MPDZ: variants seen among roughly 807,000 people sequenced by gnomAD.
The protein encoded by MPDZ is multiple PDZ domain protein.
A neutral mutation model predicts 239.1 loss-of-function variants in MPDZ; 234 were observed. The observed-to-expected ratio is 0.98, with a 90% CI of 0.88 to 1.09. The LOEUF is 1.09. Ranked by LOEUF, MPDZ falls within the 50% of genes least tolerant of loss-of-function variation. The pLI is 0.00. For synonymous variants in MPDZ, 1,048 were observed against 881.3 expected, an observed-to-expected ratio of 1.19 and a Z score of -3.35; for missense variants, 3,175 against 2,510.0, an observed-to-expected ratio of 1.26 and a Z score of -5.66.
chr9:13,211,601 G>A (rs998216644), intron 10 of MPDZ, among the ~76,000 whole-genome samples: 1 of 152,012 alleles, frequency 6.6e-6, no homozygotes, highest in African/African-American at 2.4e-5. Context: ...CAACAAAATA[G>A]AATTTAAATG....
intron 15 of MPDZ, among the ~76,000 whole-genome samples, chr9:13,191,812 T>G (rs1563996667): frequency 6.6e-6 from 1 of 152,264 alleles, no homozygotes; most frequent in Middle Eastern, 3.4e-3. Context: ...ATTAAACAAG[T>G]ATATAGTATG....
intron 29 of MPDZ, 28 bp downstream of exon 29, chr9:13,137,929 A>G (rs776417411): frequency 6.2e-7 from 1 of 1,609,100 alleles, no homozygotes; most frequent in Non-Finnish European, 8.5e-7. Flanking sequence ...AAACAAGAAT[A>G]AATTCAAAAT....
chr9:13,187,941 G>GAGCT lies in MPDZ; in HGVS notation c.2364+839_2364+842dup, dbSNP rs1412184824. 2.2e-4 allele frequency among the ~76,000 whole-genome samples: 34 copies of GAGCT among 152,148 alleles called. 2 individuals are homozygous for GAGCT. The highest frequency in any genetic ancestry group is 2.1e-3 in the Admixed American group (32 of 15,280). Reference sequence around the variant, plus strand: ...ATTATTACAGTAATTTATGATTTGGGAGCTATTCCCTGCCAGGAGAGCCAC... The same window carrying GAGCT: ...ATTATTACAGTAATTTATGATTTGGGAGCTAGCTATTCCCTGCCAGGAGAGCCAC... On this transcript the variant is annotated intron_variant, in intron 17 of 46. Coordinates refer to ENST00000319217, the MANE Select transcript of MPDZ (RefSeq NM_001378778.1).
At position 13,139,822 on chromosome 9, in the gene MPDZ, T is replaced by A. The variant is rs1031051597; in HGVS notation, c.4003+165A>T. 8.9e-6 allele frequency: 7 copies of A among 784,034 alleles called. No homozygotes were observed. In the African/African-American group the frequency reaches 1.2e-4, roughly 13 times the overall value. 48.6% of individuals were successfully genotyped at this position (784,034 alleles called of 1,614,324 possible). A position where few individuals can be genotyped will look rare whatever the true frequency, so the allele number is the denominator to read the frequency against. On this transcript the variant is annotated intron_variant, in intron 28 of 46. Coordinates refer to ENST00000319217, the MANE Select transcript of MPDZ (RefSeq NM_001378778.1). ...AGAGCATGATTTCATGCCTCAGGAA[T>A]GTATGCTGTATTCAAGCAAAACAAA...
At chr9:13,119,456 T>C in intron 39 of MPDZ, 46 bp downstream of exon 39, 1 of 1,565,394 alleles carries the variant, frequency 6.4e-7, no homozygotes, top group Non-Finnish European at 8.6e-7. Flanking sequence ...AAAATTATCT[T>C]TTTTCTTCTA....
intron 23 of MPDZ, among the ~76,000 whole-genome samples, chr9:13,160,830 T>TATATATATATA (rs1950373029): frequency 2.6e-5 from 1 of 37,978 alleles, no homozygotes. Context: ...ATTATTAAAA[T>TATATATATATA]TATATATATA....
chr9:13,189,887 T>C (rs947090299), intron 16 of MPDZ, among the ~76,000 whole-genome samples: 1 of 152,096 alleles, frequency 6.6e-6, no homozygotes, highest in African/African-American at 2.4e-5. Context: ...CACTATGATA[T>C]TCCTAAAATG....
intron 3 of MPDZ, among the ~76,000 whole-genome samples, chr9:13,227,736 T>G (rs1005531428): frequency 6.6e-6 from 1 of 152,134 alleles, no homozygotes; most frequent in African/African-American, 2.4e-5. Context: ...TTAATATCAA[T>G]TGTCATTTCC....
At chr9:13,258,913 G>A (rs142624822) in intron 1 of MPDZ, among the ~76,000 whole-genome samples, 45 of 152,140 alleles carry the variant, frequency 3.0e-4, no homozygotes, top group African/African-American at 9.9e-4. Flanking sequence ...TAATATTCTT[G>A]TTCTTTCTTT....
intron 16 of MPDZ, among the ~76,000 whole-genome samples, chr9:13,189,416 C>A (rs1243516762): frequency 2.0e-5 from 3 of 151,940 alleles, no homozygotes; most frequent in African/African-American, 7.3e-5. Context: ...GAAGGTAGGA[C>A]CCATCCTTTT....
intron 12 of MPDZ, among the ~76,000 whole-genome samples, chr9:13,199,892 G>A (rs1241083047): frequency 6.6e-6 from 1 of 151,978 alleles, no homozygotes; most frequent in Non-Finnish European, 1.5e-5. Context: ...TTGCAACTAC[G>A]TTCATGAAGG....
intron 22 of MPDZ, 102 bp from the exon 23 acceptor site, chr9:13,162,897 C>G (rs2133666335): frequency 1.4e-6 from 1 of 724,966 alleles, no homozygotes; most frequent in Non-Finnish European, 2.3e-6. Flanking sequence ...TTGTCCCTTT[C>G]TCCCTACTTT....
Position 13,222,446 on chromosome 9 carries a change from T to A in MPDZ, c.534A>T (p.Arg178Ser). The A allele has an allele frequency of 6.2e-7, 1 of 1,610,048 alleles. No homozygotes were observed. Among genetic ancestry groups the A allele is most frequent in the Non-Finnish European group, 8.5e-7 (1 of 1,177,556 alleles). ...GATCAGTTTCTTTCAATCTTCCATC[T>A]CTATCAAGGATGCAAAAGGGGATAA... Reference protein sequence around the residue: ...QEIQEGSVAHRDGRLKETDQI... With the variant: ...QEIQEGSVAHSDGRLKETDQI... Residue 178 changes from arginine to serine, a missense_variant and splice_region_variant, in exon 6 of 47, where the codon AGA (arginine) becomes AGT (serine). Physicochemically the swap from Arg to Ser is moderately radical, Grantham distance 110. Transcript: ENST00000319217.
rs1563876019 is a variant in MPDZ at position 13,136,190 on chromosome 9, C to CA, written c.4293-9dup. 1 of 1,580,184 alleles carries CA rather than the reference C, an allele frequency of 6.3e-7. No homozygotes were observed. Among genetic ancestry groups the CA allele is most frequent in the Non-Finnish European group, 8.7e-7 (1 of 1,153,444 alleles). ...TTCACTGCATCTTTATTTCTAAAAG[C>CA]AAAAAAACAACAACCTATTATAACA... On this transcript the variant is annotated splice_polypyrimidine_tract_variant and intron_variant, in intron 30 of 46. Coordinates refer to ENST00000319217, the MANE Select transcript of MPDZ (RefSeq NM_001378778.1).
At chr9:13,158,590 C>G (rs1410831103) in intron 23 of MPDZ, among the ~76,000 whole-genome samples, 1 of 152,058 alleles carries the variant, frequency 6.6e-6, no homozygotes, top group South Asian at 2.1e-4. Context: ...AAGGATGGAC[C>G]AATGATTTTC....
chr9:13,256,859 GAC>G lies in MPDZ; in HGVS notation c.-57-6489_-57-6488del, dbSNP rs373427168. 2.5e-3 allele frequency among the ~76,000 whole-genome samples: 376 copies of G among 152,294 alleles called. 2 individuals carry two copies. Among genetic ancestry groups the G allele is most frequent in the African/African-American group, 8.8e-3 (365 of 41,556 alleles). On this transcript the variant is annotated intron_variant, in intron 1 of 46. Coordinates refer to ENST00000319217, the MANE Select transcript of MPDZ (RefSeq NM_001378778.1). ...AAAAATGGCACCAATAGACTTGCTT[GAC>G]ACAGAGTTGCCATAAACCATCAATT...
intron 37 of MPDZ, 40 bp from the exon 38 acceptor site, chr9:13,121,972 A>G (rs1944413718): frequency 6.2e-7 from 1 of 1,600,816 alleles, no homozygotes; most frequent in Admixed American, 1.7e-5. Flanking sequence ...GAACATGAGA[A>G]GTAAAGGAGA....
intron 24 of MPDZ, among the ~76,000 whole-genome samples, chr9:13,153,774 G>C (rs1484229739): frequency 6.6e-6 from 1 of 151,556 alleles, no homozygotes; most frequent in Non-Finnish European, 1.5e-5. Context: ...AGAATACATA[G>C]GTAGGACTCC....
chr9:13,137,478 A>C (rs758369760), intron 29 of MPDZ, among the ~76,000 whole-genome samples: 1 of 152,152 alleles, frequency 6.6e-6, no homozygotes, highest in Non-Finnish European at 1.5e-5. Context: ...TCTAAACCCT[A>C]TAAAGTATGG....
Sources: gnomAD v4.1 joint callset for allele counts (sites outside exome capture counted in the v4.1 genomes callset) on GRCh38, gnomAD v4.1.1 for gene constraint, MANE v1.5 for transcripts, NCBI Gene and HGNC (gene_info 2026-07-23, HGNC 2026-07-21) for gene names.